The following TRIM2 variants were observed in gnomAD, a reference collection of about 807,000 sequenced individuals.
TRIM2 encodes the protein tripartite motif containing 2.
TRIM2 carries 20 observed loss-of-function variants against 75.2 expected under a neutral mutation model. That is an observed-to-expected ratio of 0.27 (90% CI 0.19 to 0.39). The LOEUF (loss-of-function observed/expected upper bound fraction) is 0.39. TRIM2 is among the 10% of genes least tolerant of loss of function. The pLI, the probability that TRIM2 is intolerant of heterozygous loss-of-function variation, is 1.00. For missense variants in TRIM2, 660 were observed against 990.8 expected, an observed-to-expected ratio of 0.67 and a Z score of 4.48; for synonymous variants, 373 against 388.3, an observed-to-expected ratio of 0.96 and a Z score of 0.46.
At chr4:153,221,021 A>C (rs4696440) in intron 1 of TRIM2, among the ~76,000 whole-genome samples, 100,479 of 152,042 alleles carry the variant, frequency 0.66, 33,609 homozygotes, top group East Asian at 0.87. Flanking sequence ...AATATATGTC[A>C]ACTCAAAAAC....
At chr4:153,188,981 C>T (rs1396950297) in intron 1 of TRIM2, among the ~76,000 whole-genome samples, 1 of 152,160 alleles carries the variant, frequency 6.6e-6, no homozygotes, top group Non-Finnish European at 1.5e-5. Context: ...ATTTACATCT[C>T]CATGGCTTTG....
intron 1 of TRIM2, among the ~76,000 whole-genome samples, chr4:153,205,121 G>A (rs10007950): frequency 2.0e-4 from 30 of 152,282 alleles, no homozygotes; most frequent in African/African-American, 6.7e-4. Context: ...AGGGTACTAT[G>A]TCCCTCTGCC....
intron 1 of TRIM2, among the ~76,000 whole-genome samples, chr4:153,168,563 T>G (rs928002199): frequency 5.9e-5 from 9 of 152,092 alleles, no homozygotes. Flanking sequence ...TAGATAATCA[T>G]GATTGCCTGG....
intron 1 of TRIM2, among the ~76,000 whole-genome samples, chr4:153,209,587 G>A (rs765729930): frequency 6.6e-6 from 1 of 152,158 alleles, no homozygotes; most frequent in Non-Finnish European, 1.5e-5. Context: ...AGTTGGAACC[G>A]AGGGAATGGT....
At chr4:153,200,716 G>GAAAA (rs71598251), upstream of TRIM2, among the ~76,000 whole-genome samples, 373 of 130,896 alleles carry the variant, frequency 2.8e-3, 1 homozygote, top group Middle Eastern at 0.011. Context: ...TTTTTAGTAA[G>GAAAA]AAAAAAAAAT....
At chr4:153,311,919 T>TTTATTTATTTA (rs1356905934) in intron 6 of TRIM2, among the ~76,000 whole-genome samples, 45 of 145,550 alleles carry the variant, frequency 3.1e-4, no homozygotes, top group Middle Eastern at 3.4e-3. Context: ...TATTTATTTA[T>TTTATTTATTTA]TTATTATTAT....
At chr4:153,272,016 C>A (rs1194207207) in intron 2 of TRIM2, among the ~76,000 whole-genome samples, 1 of 152,208 alleles carries the variant, frequency 6.6e-6, no homozygotes, top group Non-Finnish European at 1.5e-5. Context: ...TCTAGCCCAA[C>A]CCACTTCCAC....
chr4:153,186,579 A>C (rs1732620140), intron 1 of TRIM2, among the ~76,000 whole-genome samples: 1 of 152,216 alleles, frequency 6.6e-6, no homozygotes, highest in Non-Finnish European at 1.5e-5. Flanking sequence ...GGGACAGCCC[A>C]GAGCAGAATC....
At chr4:153,245,053 G>C (rs1385416435) in intron 1 of TRIM2, among the ~76,000 whole-genome samples, 1 of 152,168 alleles carries the variant, frequency 6.6e-6, no homozygotes, top group Admixed American at 6.5e-5. Context: ...CTCTGAGATG[G>C]TTCTTGCTGC....
chr4:153,320,102 GACTT>G (rs1768605735), intron 8 of TRIM2, among the ~76,000 whole-genome samples: 2 of 152,148 alleles, frequency 1.3e-5, no homozygotes, highest in Non-Finnish European at 2.9e-5. Context: ...GATCTCTGCT[GACTT>G]ACCCTCCATT....
rs11397245 is a variant in TRIM2, at chr4:153,316,873, C to CTTTTTTTTTTTTTTTTT, written c.1782+883_1782+899dup. On this transcript the variant is annotated intron_variant, in intron 8 of 11. Coordinates refer to ENST00000338700, the MANE Select transcript of TRIM2 (RefSeq NM_015271.5). ...TTTGTAAGGGCCATTTGCATTATGC[C>CTTTTTTTTTTTTTTTTT]TTTTTTTTTTTTTTTTTTTTTTTTT... Among the ~76,000 whole-genome samples, 14 of 61,582 alleles carry CTTTTTTTTTTTTTTTTT rather than the reference C, an allele frequency of 2.3e-4. 2 individuals are homozygous for CTTTTTTTTTTTTTTTTT. The highest frequency in any genetic ancestry group is 3.9e-4 in the African/African-American group (5 of 12,822). 40.4% of individuals were successfully genotyped at this position (61,582 alleles called of 152,430 possible).
intron 1 of TRIM2, among the ~76,000 whole-genome samples, chr4:153,155,014 C>T (rs1326667323): frequency 6.6e-6 from 1 of 152,094 alleles, no homozygotes; most frequent in Non-Finnish European, 1.5e-5. Flanking sequence ...ATGGTGGGCA[C>T]CTGTAATCCC....
chr4:153,242,475 C>G (rs1179595341), intron 1 of TRIM2, among the ~76,000 whole-genome samples: 1 of 152,092 alleles, frequency 6.6e-6, no homozygotes, highest in Admixed American at 6.5e-5. Flanking sequence ...GTTCCTGTTT[C>G]TCTGCTATCT....
At chr4:153,163,345 CT>C (rs572153823) in intron 1 of TRIM2, among the ~76,000 whole-genome samples, 44 of 152,140 alleles carry the variant, frequency 2.9e-4, no homozygotes, top group African/African-American at 1.1e-3. Flanking sequence ...GCCACCATGC[CT>C]GGCTAATTTA....
intron 11 of TRIM2, 73 bp downstream of exon 11, chr4:153,328,743 A>G (rs959371278): frequency 1.3e-5 from 19 of 1,460,032 alleles, no homozygotes; most frequent in Non-Finnish European, 1.7e-5. Context: ...GCTGTCCCCC[A>G]AACTGGAATG....
At chr4:153,230,836 A>G (rs4696443) in intron 1 of TRIM2, among the ~76,000 whole-genome samples, 34,986 of 152,150 alleles carry the variant, frequency 0.23, 5,853 homozygotes, top group African/African-American at 0.47. Context: ...AATTTCATCA[A>G]CATAGCAGGT....
At chr4:153,265,177 T>G (rs1030129549) in intron 1 of TRIM2, among the ~76,000 whole-genome samples, 4 of 151,814 alleles carry the variant, frequency 2.6e-5, no homozygotes, top group Admixed American at 6.6e-5. Flanking sequence ...AAAAAAGGAA[T>G]AAAGTCCAAT....
At chr4:153,227,423 G>T (rs1034054167) in intron 1 of TRIM2, among the ~76,000 whole-genome samples, 1 of 152,164 alleles carries the variant, frequency 6.6e-6, no homozygotes, top group Non-Finnish European at 1.5e-5. Context: ...AAGAGGATGA[G>T]ATCGGGTCTC....
In TRIM2 at chr4:153,276,119, C is replaced by A. The variant is rs1446148487; in HGVS notation, c.442C>A (p.His148Asn). 1 of 1,613,936 alleles carries A rather than the reference C, an allele frequency of 6.2e-7. No individual in the cohort carries two copies. The highest frequency in any genetic ancestry group is 1.3e-5 in the African/African-American group (1 of 74,922). The change falls in exon 3 of 12, where the codon CAC becomes AAC. Residue 148 changes from histidine (H) to asparagine (N), a missense_variant. Physicochemically the swap from His to Asn is moderately conservative, Grantham distance 68. This residue lies in a region of TRIM2 where 620 missense variants were observed against 891.0 expected (regional missense o/e 0.70). Coordinates refer to ENST00000338700, the MANE Select transcript of TRIM2 (RefSeq NM_015271.5). The stretch of plus-strand genomic sequence containing the variant: ...GGGAAAGCCTCTCTCTTGCCCAAAC[C>A]ACGATGGGAATGTAAGTGGCTGGGA... ...AAGKPLSCPNHDGNVMEFYCQ... is the reference protein window; with the variant it reads ...AAGKPLSCPNNDGNVMEFYCQ...
Sources: allele counts gnomAD v4.1 joint callset (sites outside exome capture counted in the v4.1 genomes callset), GRCh38; gene constraint gnomAD v4.1.1; regional missense constraint gnomAD v4.1.1; transcripts MANE v1.5; gene names NCBI Gene and HGNC (gene_info 2026-07-23, HGNC 2026-07-21).